The following PIP5K1B variants were observed in gnomAD, a reference collection of about 807,000 sequenced individuals.
The protein encoded by PIP5K1B is phosphatidylinositol-4-phosphate 5-kinase type 1 beta.
In PIP5K1B, 42 loss-of-function variants were observed where a neutral mutation model predicts 67.0. The observed-to-expected ratio is 0.63, with a 90% confidence interval of 0.49 to 0.81. The LOEUF is 0.81. PIP5K1B is among the 30% of genes least tolerant of loss of function. The pLI, the probability that PIP5K1B is intolerant of heterozygous loss-of-function variation, is 0.00. For synonymous variants in PIP5K1B, 214 were observed against 231.4 expected (o/e 0.92, Z 0.68); for missense variants, 459 against 646.3 (o/e 0.71, Z 3.14).
At chr9:68,936,603 G>A (rs886636933) in intron 13 of PIP5K1B, among the ~76,000 whole-genome samples, 1 of 152,090 alleles carries the variant, frequency 6.6e-6, no homozygotes, top group Non-Finnish European at 1.5e-5. Context: ...TCTTTAAGAT[G>A]TGGTGTTATT....
chr9:68,848,407 C>T (rs997120602), intron 4 of PIP5K1B, among the ~76,000 whole-genome samples: 10 of 152,308 alleles, frequency 6.6e-5, no homozygotes, highest in Non-Finnish European at 8.8e-5. Flanking sequence ...CCATATCTTT[C>T]TGCCTAGGTG....
chr9:68,793,767 T>A (rs1351017042), intron 2 of PIP5K1B, among the ~76,000 whole-genome samples: 1 of 152,178 alleles, frequency 6.6e-6, no homozygotes, highest in Non-Finnish European at 1.5e-5. Context: ...GTTAGATACC[T>A]GAGTCAAGTT....
At chr9:68,780,077 G>GTCGCCGTATCATTAAAAAAC in intron 2 of PIP5K1B, 3 of 1,419,132 alleles carry the variant, frequency 2.1e-6, no homozygotes, top group Non-Finnish European at 1.8e-6. Context: ...ATTCTCGGTG[G>GTCGCCGTATCATTAAAAAAC]CGGCGGCAGC....
chr9:68,819,663 A>T (rs1833629519), intron 3 of PIP5K1B, among the ~76,000 whole-genome samples: 1 of 152,204 alleles, frequency 6.6e-6, no homozygotes, highest in Non-Finnish European at 1.5e-5. Context: ...AAGCATAGCA[A>T]GTCTAAGAAG....
Position 68,705,318 on chromosome 9 carries a change from C to G in PIP5K1B, c.-687C>G, listed in dbSNP as rs1271726642. 1 of 151,454 alleles carries G rather than the reference C, an allele frequency of 6.6e-6. No homozygotes were observed. The highest frequency in any genetic ancestry group is 2.1e-4 in the South Asian group (1 of 4,838). The allele number at this position is 151,454 out of a possible 1,614,324, so 9.4% of individuals were successfully genotyped here. A position where few individuals can be genotyped will look rare whatever the true frequency, so the allele number is the denominator to read the frequency against. ...AGCCCGGCGGGCGCCGCTGCTGCTC[C>G]TCTCGGTCCCCGGTTCCCGGTCCCC... is the stretch of plus-strand genomic sequence containing the variant. On this transcript the variant is annotated 5_prime_UTR_variant, in exon 1 of 16. Transcript: ENST00000265382.
chr9:68,725,878 G>A (rs1828123808), intron 1 of PIP5K1B, among the ~76,000 whole-genome samples: 1 of 152,202 alleles, frequency 6.6e-6, no homozygotes, highest in Non-Finnish European at 1.5e-5. Flanking sequence ...CGTTTAGTTT[G>A]TATGGTATGT....
intron 1 of PIP5K1B, among the ~76,000 whole-genome samples, chr9:68,740,326 A>C (rs1828943552): frequency 6.6e-6 from 1 of 152,228 alleles, no homozygotes; most frequent in Admixed American, 6.5e-5. Flanking sequence ...TTTTTAGTTT[A>C]TCTGATTTCT....
chr9:68,749,092 G>C (rs1373745806), intron 2 of PIP5K1B, among the ~76,000 whole-genome samples: 2 of 152,118 alleles, frequency 1.3e-5, no homozygotes, highest in Admixed American at 1.3e-4. Context: ...TCTACTCATG[G>C]TCCCCCAAAG....
At chr9:68,748,568 T>A (rs1038242774) in intron 2 of PIP5K1B, among the ~76,000 whole-genome samples, 1 of 152,124 alleles carries the variant, frequency 6.6e-6, no homozygotes, top group Admixed American at 6.5e-5. Context: ...TTTGTAGTTT[T>A]CTTGCAGTAG....
chr9:68,814,826 A>C (rs1335079592), intron 2 of PIP5K1B, among the ~76,000 whole-genome samples: 1 of 152,174 alleles, frequency 6.6e-6, no homozygotes, highest in East Asian at 1.9e-4. Flanking sequence ...TCTCAAAAAA[A>C]TTAATAATAA....
intron 4 of PIP5K1B, among the ~76,000 whole-genome samples, chr9:68,848,535 T>C (rs1822315090): frequency 1.3e-5 from 2 of 152,230 alleles, no homozygotes; most frequent in African/African-American, 2.4e-5. Flanking sequence ...AAGTATATAT[T>C]TAATTGTGAA....
rs373296554 is a variant in PIP5K1B at position 68,851,309 on chromosome 9, T to C, written c.70-12528T>C. ...TAAAAAGGGAAAGTTAAATATAAAG[T>C]GGATCTGTGTTGGGCTTCTTCCAAG... On this transcript the variant is annotated intron_variant, in intron 4 of 15. Coordinates refer to ENST00000265382, the MANE Select transcript of PIP5K1B (RefSeq NM_003558.4). Among the ~76,000 whole-genome samples the C allele has an allele frequency of 1.7e-4, 26 of 152,304 alleles. 1 individual carries two copies. The South Asian group carries it at 5.2e-3, about 30-fold the overall frequency.
intron 8 of PIP5K1B, among the ~76,000 whole-genome samples, chr9:68,906,660 C>T (rs1402926152): frequency 6.6e-6 from 1 of 152,174 alleles, no homozygotes; most frequent in Non-Finnish European, 1.5e-5. Flanking sequence ...AGCCTTAATG[C>T]GAGCCTGGCT....
chr9:68,929,640 T>G (rs1328546473), intron 12 of PIP5K1B, among the ~76,000 whole-genome samples: 1 of 152,198 alleles, frequency 6.6e-6, no homozygotes, highest in Non-Finnish European at 1.5e-5. Context: ...CTCAAGCCAT[T>G]GAACAACTTT....
At chr9:68,838,026 T>C (rs2132138367) in intron 4 of PIP5K1B, among the ~76,000 whole-genome samples, 1 of 152,110 alleles carries the variant, frequency 6.6e-6, no homozygotes, top group East Asian at 1.9e-4. Context: ...GTTGAATATA[T>C]GTCTGTGTAA....
intron 14 of PIP5K1B, 152 bp from the exon 15 acceptor site, chr9:68,990,988 G>A (rs186597819): frequency 1.6e-6 from 1 of 615,036 alleles, no homozygotes; most frequent in African/African-American, 1.8e-5. Flanking sequence ...AAACTCAAGT[G>A]ACCATGTCTC....
At chr9:68,945,121 G>A (rs967690533) in intron 14 of PIP5K1B, among the ~76,000 whole-genome samples, 8 of 151,260 alleles carry the variant, frequency 5.3e-5, no homozygotes, top group Non-Finnish European at 8.8e-5. Context: ...GCAAAGTTGT[G>A]GGCTTATGTT....
rs1587530873 is a variant in PIP5K1B, at chr9:68,836,779, G to A, written c.69+14096G>A. On this transcript the variant is annotated intron_variant, in intron 4 of 15. Coordinates refer to ENST00000265382, the MANE Select transcript of PIP5K1B (RefSeq NM_003558.4). ...AAAGCTCCTGATTTACCTGGTCAAG[G>A]GAAGGCTGTCTTACCAGAAGCCAGG... Among the ~76,000 whole-genome samples the A allele has an allele frequency of 2.0e-5, 3 of 152,156 alleles. No homozygotes were observed. The South Asian group carries it at 6.2e-4, about 32-fold the overall frequency.
chr9:68,976,534 G>A (rs1829637784), intron 14 of PIP5K1B, among the ~76,000 whole-genome samples: 2 of 152,136 alleles, frequency 1.3e-5, no homozygotes, highest in South Asian at 2.1e-4. Flanking sequence ...TTCACATATT[G>A]TACTGCTCCT....
Sources: gnomAD v4.1 joint callset for allele counts (sites outside exome capture counted in the v4.1 genomes callset) on GRCh38, gnomAD v4.1.1 for gene constraint, MANE v1.5 for transcripts, NCBI Gene and HGNC (gene_info 2026-07-23, HGNC 2026-07-21) for gene names.